The following RGS6 variants were observed in gnomAD, a reference collection of about 807,000 sequenced individuals.
RGS6 encodes regulator of G protein signaling 6.
A neutral mutation model predicts 78.5 loss-of-function variants in RGS6; 30 were observed. The observed-to-expected ratio is 0.38, with a 90% CI of 0.29 to 0.52. RGS6 has a LOEUF of 0.52. Ranked by LOEUF, RGS6 falls within the 20% of genes least tolerant of loss-of-function variation. RGS6 has a pLI of 0.85. For synonymous variants in RGS6, 206 were observed against 206.0 expected (o/e 1.00, Z 0.00); for missense variants, 495 against 609.7 (o/e 0.81, Z 1.98).
chr14:72,308,414 T>G (rs1182819058), intron 2 of RGS6, among the ~76,000 whole-genome samples: 3 of 152,170 alleles, frequency 2.0e-5, no homozygotes, highest in South Asian at 4.1e-4. Context: ...AAACTTCATA[T>G]TTTCCTTCCC....
intron 3 of RGS6, among the ~76,000 whole-genome samples, chr14:72,404,353 G>A (rs535343754): frequency 1.3e-5 from 2 of 152,292 alleles, no homozygotes; most frequent in Admixed American, 1.3e-4. Context: ...TTGAGGGAAG[G>A]TGTTTGCTGA....
chr14:71,925,713 A>ATATTATATTTATATTATATTATATTATAT, the RGS6 span, among the ~76,000 whole-genome samples: 2 of 75,954 alleles, frequency 2.6e-5, no homozygotes, highest in African/African-American at 1.2e-4. Context: ...AGATGACTTC[A>ATATTATATTTATATTATATTATATTATAT]TATTATATTA....
At chr14:72,313,735 G>A (rs2069270858) in intron 2 of RGS6, among the ~76,000 whole-genome samples, 1 of 152,218 alleles carries the variant, frequency 6.6e-6, no homozygotes, top group African/African-American at 2.4e-5. Context: ...AAGGGGCTAT[G>A]GTGTATGTGT....
At chr14:72,208,497 C>G (rs947492973) in intron 2 of RGS6, among the ~76,000 whole-genome samples, 8 of 152,218 alleles carry the variant, frequency 5.3e-5, no homozygotes, top group Non-Finnish European at 8.8e-5. Flanking sequence ...CCATGTCTTA[C>G]CAACATCATA....
intron 3 of RGS6, among the ~76,000 whole-genome samples, chr14:72,406,428 C>T (rs1036854983): frequency 6.6e-6 from 1 of 152,048 alleles, no homozygotes. Flanking sequence ...ATCAAATAAG[C>T]AGTTTGTTGC....
intron 13 of RGS6, among the ~76,000 whole-genome samples, chr14:72,498,173 G>A (rs2096669626): frequency 6.6e-6 from 1 of 152,062 alleles, no homozygotes; most frequent in African/African-American, 2.4e-5. Context: ...TTTCTTAGTA[G>A]CCTGCTCTGT....
At chr14:71,959,189 A>G (rs2093015744) in intron 1 of RGS6, among the ~76,000 whole-genome samples, 1 of 152,220 alleles carries the variant, frequency 6.6e-6, no homozygotes, top group African/African-American at 2.4e-5. Context: ...TTTGTTATTT[A>G]GAGCTGTTGT....
At chr14:72,374,148 G>T (rs567431450) in intron 3 of RGS6, among the ~76,000 whole-genome samples, 4 of 151,950 alleles carry the variant, frequency 2.6e-5, no homozygotes, top group Non-Finnish European at 5.9e-5. Flanking sequence ...ATGCAGGTTT[G>T]TTACATATGT....
intron 3 of RGS6, among the ~76,000 whole-genome samples, chr14:72,429,445 G>T (rs1257921731): frequency 2.0e-5 from 3 of 152,130 alleles, no homozygotes; most frequent in African/African-American, 7.2e-5. Context: ...GGCTTATGAA[G>T]GCCAGGATTT....
At chr14:72,329,249 C>T (rs1215170118) in intron 2 of RGS6, among the ~76,000 whole-genome samples, 1 of 152,286 alleles carries the variant, frequency 6.6e-6, no homozygotes, top group African/African-American at 2.4e-5. Context: ...CATGCACACA[C>T]ATACATATGC....
At chr14:72,352,476 G>T (rs1400164266) in intron 3 of RGS6, among the ~76,000 whole-genome samples, 3 of 152,164 alleles carry the variant, frequency 2.0e-5, no homozygotes, top group Non-Finnish European at 4.4e-5. Context: ...CAGCAACTTT[G>T]CCTGTGGGAT....
chr14:72,462,792 G>A (rs997953078), intron 6 of RGS6, among the ~76,000 whole-genome samples: 2 of 152,136 alleles, frequency 1.3e-5, no homozygotes, highest in African/African-American at 4.8e-5. Context: ...TGGGCCTTTA[G>A]TTTCCCCATC....
chr14:72,161,329 A>G (rs1261378705), intron 2 of RGS6, among the ~76,000 whole-genome samples: 3 of 152,186 alleles, frequency 2.0e-5, no homozygotes, highest in Non-Finnish European at 2.9e-5. Context: ...GCACGTGTAT[A>G]CCTATGTAAG....
intron 11 of RGS6, among the ~76,000 whole-genome samples, chr14:72,477,894 G>A (rs1281930710): frequency 6.6e-6 from 1 of 152,158 alleles, no homozygotes. Context: ...TGACGTGCCT[G>A]TGAAAGGTGG....
intron 2 of RGS6, among the ~76,000 whole-genome samples, chr14:72,240,628 A>G (rs2052529285): frequency 1.3e-5 from 2 of 152,194 alleles, no homozygotes; most frequent in Admixed American, 6.5e-5. Flanking sequence ...CAAGTTGTAT[A>G]TTAAAATTAG....
At chr14:72,608,814 G>T in the RGS6 span, among the ~76,000 whole-genome samples, 2 of 152,202 alleles carry the variant, frequency 1.3e-5, no homozygotes, top group Admixed American at 6.5e-5. Flanking sequence ...CCTGGAATTT[G>T]TTGCTCCTGG....
chr14:72,170,621 C>T (rs1045620260), intron 2 of RGS6, among the ~76,000 whole-genome samples: 2 of 152,192 alleles, frequency 1.3e-5, no homozygotes, highest in African/African-American at 4.8e-5. Context: ...TTTAGGTCAA[C>T]ATTGATTTCT....
At chr14:72,269,381 C>T (rs1410470355) in intron 2 of RGS6, among the ~76,000 whole-genome samples, 3 of 152,028 alleles carry the variant, frequency 2.0e-5, no homozygotes, top group African/African-American at 4.8e-5. Context: ...TATCTCTGGC[C>T]TTCCTTTCTC....
At chr14:72,391,561 T>C (rs1197404386) in intron 3 of RGS6, among the ~76,000 whole-genome samples, 1 of 152,240 alleles carries the variant, frequency 6.6e-6, no homozygotes, top group African/African-American at 2.4e-5. Context: ...TCCGCCACTT[T>C]TCCTCCATCT....
Sources: allele counts gnomAD v4.1 joint callset (sites outside exome capture counted in the v4.1 genomes callset), GRCh38; gene constraint gnomAD v4.1.1; transcripts MANE v1.5; gene names NCBI Gene and HGNC (gene_info 2026-07-23, HGNC 2026-07-21).